NPAS3: variants seen among roughly 807,000 people sequenced by gnomAD.
NPAS3 encodes the protein neuronal PAS domain-containing protein 3.
In NPAS3, 14 loss-of-function variants were observed where a neutral mutation model predicts 73.1. That is an observed-to-expected ratio of 0.19 (90% CI 0.13 to 0.30). The LOEUF is 0.30. NPAS3 is among the 10% of genes least tolerant of loss of function. The pLI, the probability that NPAS3 is intolerant of heterozygous loss-of-function variation, is 1.00. For synonymous variants in NPAS3, 620 were observed against 541.5 expected, an observed-to-expected ratio of 1.14 and a Z score of -2.01; for missense variants, 1,096 against 1,250.0, an observed-to-expected ratio of 0.88 and a Z score of 1.86.
In NPAS3 at chr14:33,254,809, G is replaced by A. The variant is rs573384688; in HGVS notation, c.385+39383G>A. Among the ~76,000 whole-genome samples the A allele has an allele frequency of 7.2e-5, 11 of 152,222 alleles. No individual in the cohort carries two copies. In the East Asian group the frequency reaches 1.5e-3, roughly 21 times the overall value. On this transcript the variant is annotated intron_variant, in intron 3 of 11. Transcript: ENST00000356141. ...GGAATTATCAAATATGAAATGACTC[G>A]TAACTTGGTTGAAGTTCTTAAATGT... is the stretch of plus-strand genomic sequence containing the variant.
chr14:33,665,774 G>A (rs2059434688), intron 5 of NPAS3, among the ~76,000 whole-genome samples: 1 of 152,078 alleles, frequency 6.6e-6, no homozygotes, highest in African/African-American at 2.4e-5. Flanking sequence ...ATTCCAGAGT[G>A]TGGTTAACAG....
At chr14:33,178,600 T>A (rs2045683710) in intron 2 of NPAS3, among the ~76,000 whole-genome samples, 1 of 152,230 alleles carries the variant, frequency 6.6e-6, no homozygotes, top group Non-Finnish European at 1.5e-5. Context: ...ATGGAATTGC[T>A]TTATTTTCCT....
chr14:32,957,458 G>A (rs184452383), intron 1 of NPAS3, among the ~76,000 whole-genome samples: 2,025 of 149,714 alleles, frequency 0.014, 38 homozygotes, highest in African/African-American at 0.045. Context: ...TGCAAGCTCC[G>A]CCTCCTGGGT....
chr14:33,528,949 C>T lies in NPAS3; in HGVS notation c.469-31172C>T, dbSNP rs80164911. Among the ~76,000 whole-genome samples, 59 of 152,160 alleles carry T rather than the reference C, an allele frequency of 3.9e-4. 5 individuals carry two copies. In the East Asian group the frequency reaches 0.01, roughly 27 times the overall value. On this transcript the variant is annotated intron_variant, in intron 4 of 11. Coordinates refer to ENST00000356141, the Ensembl canonical transcript of NPAS3. ...CTCAATAATGTTTCTTTTAGTTTTT[C>T]GAGGTCATATAGTTGATGTGAGGCA...
intron 1 of NPAS3, among the ~76,000 whole-genome samples, chr14:33,011,686 G>A (rs1463265060): frequency 6.6e-6 from 1 of 151,958 alleles, no homozygotes; most frequent in Admixed American, 6.6e-5. Context: ...TTTTTCCATT[G>A]TCTTTAGTCT....
At chr14:33,796,629 T>A (rs1236435576) in intron 10 of NPAS3, among the ~76,000 whole-genome samples, 5 of 152,162 alleles carry the variant, frequency 3.3e-5, no homozygotes, top group African/African-American at 1.2e-4. Context: ...TCCTTGTGCC[T>A]TCAGATTACA....
chr14:33,212,457 G>A (rs2047074119), intron 2 of NPAS3, among the ~76,000 whole-genome samples: 1 of 46,676 alleles, frequency 2.1e-5, no homozygotes, highest in Non-Finnish European at 4.7e-5. Flanking sequence ...AGAAAACAAG[G>A]AGGTAGGATA....
intron 4 of NPAS3, among the ~76,000 whole-genome samples, chr14:33,414,759 G>C (rs2048078382): frequency 6.6e-6 from 1 of 152,094 alleles, no homozygotes; most frequent in Non-Finnish European, 1.5e-5. Context: ...GAAGGCACTG[G>C]GGTTAGATCG....
intron 6 of NPAS3, among the ~76,000 whole-genome samples, chr14:33,679,854 T>C (rs1349316078): frequency 5.3e-5 from 8 of 152,198 alleles, no homozygotes; most frequent in African/African-American, 2.4e-5. Context: ...AAAAGATCCA[T>C]TGATTGTACA....
chr14:33,140,366 C>T (rs2044000570), intron 2 of NPAS3, among the ~76,000 whole-genome samples: 1 of 151,790 alleles, frequency 6.6e-6, no homozygotes, highest in Admixed American at 6.6e-5. Flanking sequence ...GAAAAGAACA[C>T]AGAAAAAAAC....
chr14:33,086,488 G>A (rs2042029777), intron 2 of NPAS3, among the ~76,000 whole-genome samples: 1 of 152,062 alleles, frequency 6.6e-6, no homozygotes, highest in African/African-American at 2.4e-5. Context: ...ACTGAGTTAG[G>A]GTTTCACTGA....
At chr14:32,943,703 T>C (rs2036130740) in intron 1 of NPAS3, among the ~76,000 whole-genome samples, 1 of 150,716 alleles carries the variant, frequency 6.6e-6, no homozygotes, top group African/African-American at 2.4e-5. Flanking sequence ...CTTTTTTTTT[T>C]TTTTTTTAGA....
chr14:33,746,901 C>G (rs980638394), intron 7 of NPAS3, among the ~76,000 whole-genome samples: 1 of 147,938 alleles, frequency 6.8e-6, no homozygotes, highest in African/African-American at 2.6e-5. Context: ...CCCGTCCCCC[C>G]ACCCCACCAC....
intron 8 of NPAS3, among the ~76,000 whole-genome samples, chr14:33,777,612 A>G (rs1021541795): frequency 3.9e-5 from 6 of 152,172 alleles, no homozygotes; most frequent in African/African-American, 1.4e-4. Context: ...CAAAAAATAT[A>G]TTCCACTTTG....
Position 33,250,563 on chromosome 14 carries a change from C to T in NPAS3, c.385+35137C>T, listed in dbSNP as rs187556880. On this transcript the variant is annotated intron_variant, in intron 3 of 11. Transcript: ENST00000356141. ...TCGCATTAAACTTGTTAAATCAATT[C>T]GCTAGACACTTTCTAAAGTGGACTG... is the stretch of plus-strand genomic sequence containing the variant. Among the ~76,000 whole-genome samples the T allele has an allele frequency of 3.8e-3, 574 of 152,184 alleles. 3 individuals carry two copies. The highest frequency in any genetic ancestry group is 5.8e-3 in the South Asian group (28 of 4,822).
At chr14:33,156,589 G>T (rs1325109314) in intron 2 of NPAS3, among the ~76,000 whole-genome samples, 1 of 152,074 alleles carries the variant, frequency 6.6e-6, no homozygotes, top group Admixed American at 6.5e-5. Flanking sequence ...CATGATCATT[G>T]CTTAGTATTC....
intron 4 of NPAS3, among the ~76,000 whole-genome samples, chr14:33,486,382 G>T (rs1224413498): frequency 6.6e-6 from 1 of 151,962 alleles, no homozygotes; most frequent in Non-Finnish European, 1.5e-5. Flanking sequence ...CAACCACTAA[G>T]GTTCACAGAA....
intron 7 of NPAS3, among the ~76,000 whole-genome samples, chr14:33,746,604 T>C (rs1356591173): frequency 6.6e-6 from 1 of 152,042 alleles, no homozygotes; most frequent in Non-Finnish European, 1.5e-5. Context: ...ATGTGTAAGA[T>C]GCTTTACAAA....
intron 1 of NPAS3, among the ~76,000 whole-genome samples, chr14:32,945,645 A>T (rs954929250): frequency 1.3e-5 from 2 of 152,288 alleles, no homozygotes; most frequent in African/African-American, 4.8e-5. Context: ...AAACTCAGAG[A>T]TTTCCGAGCC....
Sources: allele counts gnomAD v4.1 joint callset (sites outside exome capture counted in the v4.1 genomes callset), GRCh38; gene constraint gnomAD v4.1.1; transcripts MANE v1.5; gene names NCBI Gene and HGNC (gene_info 2026-07-23, HGNC 2026-07-21).